Variants in MDGA2 observed in about 807,000 individuals in gnomAD.
MDGA2 encodes the protein MAM domain-containing glycosylphosphatidylinositol anchor protein 2.
MDGA2 carries 40 observed loss-of-function variants against 117.8 expected under a neutral mutation model. That is an observed-to-expected ratio of 0.34 (90% CI 0.26 to 0.44). MDGA2 has a LOEUF of 0.44. Ranked by LOEUF, MDGA2 falls within the 20% of genes least tolerant of loss-of-function variation. MDGA2 has a pLI of 1.00. For synonymous variants in MDGA2, 452 were observed against 439.0 expected (o/e 1.03, Z -0.37); for missense variants, 1,123 against 1,250.6 (o/e 0.90, Z 1.54).
At chr14:47,053,654 T>TATATAC (rs1889552982) in intron 7 of MDGA2, among the ~76,000 whole-genome samples, 1 of 67,262 alleles carries the variant, frequency 1.5e-5, no homozygotes, top group Non-Finnish European at 3.1e-5. Flanking sequence ...TATATATATA[T>TATATAC]ACACACACAC....
chr14:46,876,831 A>G (rs1882251325), intron 12 of MDGA2, among the ~76,000 whole-genome samples: 1 of 151,670 alleles, frequency 6.6e-6, no homozygotes, highest in Admixed American at 6.6e-5. Context: ...CTCTGATTTT[A>G]GAATATGTCT....
At chr14:47,528,290 G>A (rs1403568535) in intron 1 of MDGA2, among the ~76,000 whole-genome samples, 9 of 152,164 alleles carry the variant, frequency 5.9e-5, no homozygotes, top group Non-Finnish European at 8.8e-5. Flanking sequence ...AGTGCTTATC[G>A]TAGGCAGAGC....
intron 2 of MDGA2, among the ~76,000 whole-genome samples, chr14:47,290,080 AT>A (rs752853105): frequency 4.5e-4 from 68 of 151,884 alleles, no homozygotes; most frequent in African/African-American, 8.4e-4. Flanking sequence ...AGTAAAAGAC[AT>A]TTTTTTTAAG....
At chr14:47,278,983 CT>C (rs1888390412) in intron 2 of MDGA2, among the ~76,000 whole-genome samples, 1 of 152,066 alleles carries the variant, frequency 6.6e-6, no homozygotes, top group Admixed American at 6.6e-5. Flanking sequence ...TAGTATTCTG[CT>C]TTTTGATTGA....
chr14:47,170,906 T>A lies in MDGA2; in HGVS notation c.596-26632A>T, dbSNP rs575337718. Among the ~76,000 whole-genome samples, 20 of 152,274 alleles carry A rather than the reference T, an allele frequency of 1.3e-4. 1 individual carries two copies. Among genetic ancestry groups the A allele is most frequent in the African/African-American group, 4.3e-4 (18 of 41,566 alleles). On this transcript the variant is annotated intron_variant, in intron 3 of 16. Transcript: ENST00000399232. ...ACGACGTGAACAAAAGGATGTGATTTTTTAATTGACATAAACTTTAAATGT... is the reference window on the plus strand; with the variant it reads ...ACGACGTGAACAAAAGGATGTGATTATTTAATTGACATAAACTTTAAATGT...
intron 8 of MDGA2, among the ~76,000 whole-genome samples, chr14:46,992,753 T>C (rs1001079752): frequency 2.0e-5 from 3 of 152,152 alleles, no homozygotes; most frequent in African/African-American, 7.2e-5. Flanking sequence ...GCTGTGTAAA[T>C]TGTTTCACTT....
chr14:47,086,918 CT>C (rs978380232), intron 6 of MDGA2, among the ~76,000 whole-genome samples: 1 of 152,140 alleles, frequency 6.6e-6, no homozygotes, highest in African/African-American at 2.4e-5. Flanking sequence ...GAGAGTTGCC[CT>C]GATATCTTTG....
At chr14:46,920,206 G>A (rs1425255360) in intron 9 of MDGA2, 46 bp from the exon 10 acceptor site, 3 of 1,567,832 alleles carry the variant, frequency 1.9e-6, no homozygotes, top group South Asian at 2.4e-5. Flanking sequence ...ACATATTGTA[G>A]TGTAAGCATA....
chr14:47,378,566 G>A (rs1891534565), intron 1 of MDGA2, among the ~76,000 whole-genome samples: 1 of 152,168 alleles, frequency 6.6e-6, no homozygotes, highest in African/African-American at 2.4e-5. Flanking sequence ...ACTAAGTGAT[G>A]CATGCACAAG....
At chr14:47,329,609 CT>C (rs1372166673) in intron 1 of MDGA2, among the ~76,000 whole-genome samples, 1 of 151,812 alleles carries the variant, frequency 6.6e-6, no homozygotes, top group African/African-American at 2.4e-5. Context: ...TTAATAAATT[CT>C]TTTTTTCTTT....
chr14:47,619,457 A>C (rs1897010798), intron 1 of MDGA2, among the ~76,000 whole-genome samples: 1 of 152,190 alleles, frequency 6.6e-6, no homozygotes, highest in South Asian at 2.1e-4. Context: ...CAGGTAAGTC[A>C]AAGTCTTCAT....
intron 5 of MDGA2, among the ~76,000 whole-genome samples, chr14:47,099,128 C>T (rs772206556): frequency 6.6e-6 from 1 of 151,682 alleles, no homozygotes; most frequent in African/African-American, 2.4e-5. Flanking sequence ...AAAAATAGCC[C>T]AGATAGACCA....
intron 2 of MDGA2, among the ~76,000 whole-genome samples, chr14:47,269,985 C>T (rs796705037): frequency 1.3e-5 from 2 of 152,250 alleles, no homozygotes; most frequent in African/African-American, 4.8e-5. Context: ...CTAACTATTA[C>T]TGCCACAGTT....
rs140673094 is a variant in MDGA2, at chr14:47,217,530, C to T, written c.595+491G>A. Among the ~76,000 whole-genome samples the T allele has an allele frequency of 3.6e-3, 550 of 151,990 alleles. 2 individuals carry two copies. Among genetic ancestry groups the T allele is most frequent in the African/African-American group, 0.013 (529 of 41,472 alleles). ...ACTTTTAACAGAATTGGACCAAAAG[C>T]AGACTATACGTAGAGATTTTTGGTC... On this transcript the variant is annotated intron_variant, in intron 3 of 16. Coordinates refer to ENST00000399232, the MANE Select transcript of MDGA2 (RefSeq NM_001113498.3).
rs548655598 is a variant in MDGA2 at position 47,325,886 on chromosome 14, C to T, written c.281-24336G>A. On this transcript the variant is annotated intron_variant, in intron 1 of 16. Coordinates refer to ENST00000399232, the MANE Select transcript of MDGA2 (RefSeq NM_001113498.3). ...GAGAGGCCACTTTGGGTAGGATGAA[C>T]TGAAAGAAAGATGCATTGGATCATT... Among the ~76,000 whole-genome samples the T allele has an allele frequency of 6.6e-5, 10 of 152,188 alleles. No individual in the cohort carries two copies. The South Asian group carries it at 1.2e-3, about 19-fold the overall frequency.
At chr14:47,364,633 CTT>C (rs1566755634) in intron 1 of MDGA2, among the ~76,000 whole-genome samples, 1 of 152,186 alleles carries the variant, frequency 6.6e-6, no homozygotes, top group Non-Finnish European at 1.5e-5. Flanking sequence ...CAAATAAAGT[CTT>C]TTCTTTAAAG....
At chr14:46,992,466 C>A (rs1334024852) in intron 8 of MDGA2, among the ~76,000 whole-genome samples, 2 of 152,066 alleles carry the variant, frequency 1.3e-5, no homozygotes, top group African/African-American at 4.8e-5. Flanking sequence ...TTATTGGCAG[C>A]TCCATGTTTG....
At chr14:46,957,281 T>C in intron 9 of MDGA2, 93 bp downstream of exon 9, 1 of 1,265,096 alleles carries the variant, frequency 7.9e-7, no homozygotes, top group South Asian at 1.5e-5. Flanking sequence ...CTCCATTGAT[T>C]TACAAATGTT....
In MDGA2 at chr14:46,963,077, AT is replaced by A. The variant is rs540750006; in HGVS notation, c.1820-5435del. On this transcript the variant is annotated intron_variant, in intron 8 of 16. Transcript: ENST00000399232. The stretch of plus-strand genomic sequence containing the variant: ...GTACCATTAAGGAATATAGTGAAGC[AT>A]TTTTTCTGTGTATTATATATAATTT... 2.0e-5 allele frequency among the ~76,000 whole-genome samples: 3 copies of A among 152,068 alleles called. No homozygotes were observed. The South Asian group carries it at 6.2e-4, about 32-fold the overall frequency.
Sources: gnomAD v4.1 joint callset for allele counts (sites outside exome capture counted in the v4.1 genomes callset) on GRCh38, gnomAD v4.1.1 for gene constraint, MANE v1.5 for transcripts, NCBI Gene and HGNC (gene_info 2026-07-23, HGNC 2026-07-21) for gene names.